PTPN18: variants seen among roughly 807,000 people sequenced by gnomAD.
PTPN18 encodes tyrosine-protein phosphatase non-receptor type 18.
PTPN18 carries 65 observed loss-of-function variants against 65.4 expected under a neutral mutation model. That is an observed-to-expected ratio of 0.99 (90% CI 0.81 to 1.22). PTPN18 has a LOEUF of 1.22. Ranked by LOEUF, PTPN18 falls within the 50% of genes most tolerant of loss-of-function variation. PTPN18 has a pLI of 0.00. For missense variants in PTPN18, 616 were observed against 646.5 expected, an observed-to-expected ratio of 0.95 and a Z score of 0.51; for synonymous variants, 255 against 267.8, an observed-to-expected ratio of 0.95 and a Z score of 0.47.
intron 1 of PTPN18, among the ~76,000 whole-genome samples, chr2:130,357,899 T>A (rs1215172999): frequency 6.7e-6 from 1 of 149,688 alleles, no homozygotes; most frequent in African/African-American, 2.5e-5. Flanking sequence ...TAAACCTAAG[T>A]AATTTACACA....
At chr2:130,368,259 G>T (rs1680448805) in intron 5 of PTPN18, among the ~76,000 whole-genome samples, 1 of 152,010 alleles carries the variant, frequency 6.6e-6, no homozygotes, top group Non-Finnish European at 1.5e-5. Flanking sequence ...CTGCTTCTTT[G>T]TATGTCCAGC....
intron 6 of PTPN18, 73 bp downstream of exon 6, chr2:130,369,274 A>T: frequency 7.1e-7 from 1 of 1,404,080 alleles, no homozygotes; most frequent in Non-Finnish European, 1.0e-6. Context: ...AGGTTGAATG[A>T]TTTAACCCAC....
intron 1 of PTPN18, chr2:130,356,469 G>T (rs75367913): frequency 0.19 from 94,898 of 503,326 alleles, 10,416 homozygotes; most frequent in African/African-American, 0.32. Context: ...TCCTCGTCGC[G>T]CTCCCGGAAC....
At chr2:130,369,056 C>G in intron 5 of PTPN18, 77 bp from the exon 6 acceptor site, 1 of 1,315,592 alleles carries the variant, frequency 7.6e-7, no homozygotes, top group Non-Finnish European at 1.1e-6. Flanking sequence ...CCTGGGGTGT[C>G]TTGTGGCATG....
intron 8 of PTPN18, 109 bp downstream of exon 8, chr2:130,370,299 C>A: frequency 1.4e-6 from 2 of 1,470,662 alleles, no homozygotes; most frequent in South Asian, 1.2e-5. Flanking sequence ...ATTTTGAGAA[C>A]CCTTGCTCAC....
At chr2:130,372,596 C>G in intron 13 of PTPN18, 113 bp downstream of exon 13, 1 of 1,268,166 alleles carries the variant, frequency 7.9e-7, no homozygotes, top group East Asian at 2.6e-5. Context: ...CAGCCGCTAG[C>G]CTGGCCACGC....
chr2:130,374,565 CTG>C lies in PTPN18; in HGVS notation c.*1344_*1345del. 2.1e-6 allele frequency: 1 copy of C among 465,914 alleles called. No individual in the cohort carries two copies. Among genetic ancestry groups the C allele is most frequent in the South Asian group, 1.6e-5 (1 of 64,224 alleles). 28.9% of individuals were successfully genotyped at this position (465,914 alleles called of 1,614,324 possible). ...AAAGAAATAAAAGGAGGACACGTCT[CTG>C]TGCACTGGTGTGGACAAATCTCCAA... On this transcript the variant is annotated 3_prime_UTR_variant, in exon 15 of 15. Coordinates refer to ENST00000175756, the MANE Select transcript of PTPN18 (RefSeq NM_014369.4).
In PTPN18 at chr2:130,363,777, G is replaced by C. The variant is rs575593846; in HGVS notation, c.414+4131G>C. Among the ~76,000 whole-genome samples the C allele has an allele frequency of 5.9e-5, 9 of 152,140 alleles. 1 individual carries two copies. In the South Asian group the frequency reaches 1.7e-3, roughly 28 times the overall value. On this transcript the variant is annotated intron_variant, in intron 5 of 14. Coordinates refer to ENST00000175756, the MANE Select transcript of PTPN18 (RefSeq NM_014369.4). ...ATATACAAGTCTCTGTGTAGATGTG[G>C]GTTTTCATGTCTCTTGGGTATTGCT... is the stretch of plus-strand genomic sequence containing the variant.
chr2:130,369,299 G>A (rs1300241139), intron 6 of PTPN18, 98 bp downstream of exon 6: 3 of 1,121,558 alleles, frequency 2.7e-6, no homozygotes, highest in Non-Finnish European at 3.9e-6. Context: ...CACTCATACT[G>A]CAGGAAACCC....
intron 4 of PTPN18, 43 bp from the exon 5 acceptor site, chr2:130,359,565 C>T (rs760620715): frequency 1.9e-6 from 3 of 1,613,376 alleles, no homozygotes; most frequent in South Asian, 2.2e-5. Flanking sequence ...CCCTGGCCCC[C>T]TCACCCAAAT....
chr2:130,372,456 G>T lies in PTPN18; in HGVS notation c.1213G>T (p.Asp405Tyr). 1 of 1,371,220 alleles carries T rather than the reference G, an allele frequency of 7.3e-7. No homozygotes were observed. The highest frequency in any genetic ancestry group is 9.3e-7 in the Non-Finnish European group (1 of 1,069,854). 84.9% of individuals were successfully genotyped at this position (1,371,220 alleles called of 1,614,324 possible). A position where few individuals can be genotyped will look rare whatever the true frequency, so the allele number is the denominator to read the frequency against. ...RAQRPGAHAE[D>Y]ARGTLPGRVP... ...CCAGCGACCCGGGGCGCACGCGGAG[G>T]ACGCGAGGGGGACGCTGCCTGGCCG... The change falls in exon 13 of 15, where the codon GAC becomes TAC. Residue 405 changes from aspartate (D) to tyrosine (Y), a missense_variant. Transcript: ENST00000175756.
intron 5 of PTPN18, among the ~76,000 whole-genome samples, chr2:130,361,462 G>A (rs961577774): frequency 8.6e-5 from 13 of 150,512 alleles, no homozygotes; most frequent in Non-Finnish European, 1.8e-4. Context: ...ATTTTTTTCT[G>A]AAGTGTACTT....
At chr2:130,366,365 A>G (rs1484756444) in intron 5 of PTPN18, among the ~76,000 whole-genome samples, 3 of 152,134 alleles carry the variant, frequency 2.0e-5, no homozygotes, top group African/African-American at 7.2e-5. Context: ...GTTTTGTCAA[A>G]TTTTGTTCTT....
Position 130,373,372 on chromosome 2 carries a change from A to G in PTPN18, c.*148A>G, listed in dbSNP as rs971851418. ...TGGGAAATGTGGGGGCTTTGCCCCA[A>G]TGACTGTAGCATTCAAGGCTTGAGG... On this transcript the variant is annotated 3_prime_UTR_variant, in exon 15 of 15. Coordinates refer to ENST00000175756, the MANE Select transcript of PTPN18 (RefSeq NM_014369.4). The surrounding 1 kb of genome is among the most constrained non-coding windows in gnomAD (Gnocchi z 4.1). 7.1e-5 allele frequency: 59 copies of G among 828,712 alleles called. No homozygotes were observed. Among genetic ancestry groups the G allele is most frequent in the Admixed American group, 9.7e-5 (3 of 30,944 alleles). The allele number at this position is 828,712 out of a possible 1,614,324, so 51.3% of individuals were successfully genotyped here.
rs187227405 is a variant in PTPN18 at position 130,373,124 on chromosome 2, T to A, written c.1316-33T>A. ...GCCAGCTTCCACACACCTCAGCTTC[T>A]CCATGAGACCCACGGCACCCTTCTT... On this transcript the variant is annotated intron_variant, in intron 14 of 14. Coordinates refer to ENST00000175756, the MANE Select transcript of PTPN18 (RefSeq NM_014369.4). The surrounding 1 kb of genome is among the most constrained non-coding windows in gnomAD (Gnocchi z 4.1). The A allele has an allele frequency of 3.3e-5, 51 of 1,555,530 alleles. No homozygotes were observed. The highest frequency in any genetic ancestry group is 1.7e-6 in the Non-Finnish European group (2 of 1,148,454).
rs112040677 is a variant in PTPN18 at position 130,372,355 on chromosome 2, AGACGGGGACGGGGACGGG to A, written c.1120_1137del (p.Thr374_Gly379del). ...CCAGCGGGCGCCGGGAGTGGGACGC[AGACGGGGACGGGGACGGG>A]GACGGGGGCGCGCAGCGCGGAGGAG... is the stretch of plus-strand genomic sequence containing the variant. On this transcript the variant is annotated inframe_deletion, in exon 13 of 15. Transcript: ENST00000175756. 2.2e-6 allele frequency: 3 copies of A among 1,374,538 alleles called. No homozygotes were observed. The highest frequency in any genetic ancestry group is 2.8e-6 in the Non-Finnish European group (3 of 1,068,704). 85.1% of individuals were successfully genotyped at this position (1,374,538 alleles called of 1,614,324 possible). A position where few individuals can be genotyped will look rare whatever the true frequency, so the allele number is the denominator to read the frequency against.
intron 5 of PTPN18, among the ~76,000 whole-genome samples, chr2:130,364,613 G>A (rs572947402): frequency 3.9e-5 from 6 of 152,276 alleles, no homozygotes; most frequent in South Asian, 2.1e-4. Flanking sequence ...TGGCTAACAC[G>A]ATGAAATCCC....
chr2:130,356,465 T>C, intron 1 of PTPN18: 2 of 500,190 alleles, frequency 4.0e-6, no homozygotes, highest in Non-Finnish European at 7.5e-6. Context: ...GGTGTCCTCG[T>C]CGCGCTCCCG....
At position 130,373,134 on chromosome 2, in the gene PTPN18, C is replaced by T; in HGVS notation, c.1316-23C>T. On this transcript the variant is annotated intron_variant, in intron 14 of 14. Coordinates refer to ENST00000175756, the MANE Select transcript of PTPN18 (RefSeq NM_014369.4). The surrounding 1 kb of genome is among the most constrained non-coding windows in gnomAD (Gnocchi z 4.1). The stretch of plus-strand genomic sequence containing the variant: ...ACACACCTCAGCTTCTCCATGAGAC[C>T]CACGGCACCCTTCTTCTCCCAGGTT... 6.4e-7 allele frequency: 1 copy of T among 1,560,308 alleles called. No homozygotes were observed. The highest frequency in any genetic ancestry group is 8.7e-7 in the Non-Finnish European group (1 of 1,151,812).
Sources: allele counts gnomAD v4.1 joint callset (sites outside exome capture counted in the v4.1 genomes callset), GRCh38; gene constraint gnomAD v4.1.1; non-coding constraint Gnocchi (gnomAD v3.1); transcripts MANE v1.5; gene names NCBI Gene and HGNC (gene_info 2026-07-23, HGNC 2026-07-21).